The following ART3 variants were observed in gnomAD, a reference collection of about 807,000 sequenced individuals.
ART3 encodes ecto-ADP-ribosyltransferase 3.
In ART3, 49 loss-of-function variants were observed where a neutral mutation model predicts 48.5. The ratio of observed to expected loss-of-function variants is 1.01; its 90% CI spans 0.80 to 1.28. The LOEUF (loss-of-function observed/expected upper bound fraction) is 1.28, where lower values mean the gene tolerates loss of function less well. ART3 is among the 50% of genes most tolerant of loss of function. ART3 has a pLI of 0.00. For synonymous variants in ART3, 145 were observed against 157.2 expected (o/e 0.92, Z 0.58); for missense variants, 438 against 454.3 (o/e 0.96, Z 0.33).
intron 6 of ART3, 60 bp downstream of exon 6, chr4:76,100,380 C>T (rs968765267): frequency 1.2e-5 from 19 of 1,550,420 alleles, no homozygotes; most frequent in Non-Finnish European, 1.7e-5. Context: ...TGCCTGTAAT[C>T]CCAGCACTTT....
At chr4:76,068,231 T>C (rs1243938480) in intron 1 of ART3, among the ~76,000 whole-genome samples, 1 of 152,210 alleles carries the variant, frequency 6.6e-6, no homozygotes, top group Non-Finnish European at 1.5e-5. Flanking sequence ...TTTTGACAAA[T>C]GTATATCATC....
chr4:76,108,967 A>G (rs1728979384), intron 11 of ART3, among the ~76,000 whole-genome samples: 2 of 152,198 alleles, frequency 1.3e-5, no homozygotes, highest in South Asian at 4.1e-4. Context: ...TTGTAGGCCC[A>G]GAAGTTGCTC....
At chr4:76,013,763 A>T (rs1732015380) in intron 1 of ART3, among the ~76,000 whole-genome samples, 1 of 152,224 alleles carries the variant, frequency 6.6e-6, no homozygotes, top group East Asian at 1.9e-4. Flanking sequence ...GGCTATCAGT[A>T]TGTAGATGTA....
At chr4:76,019,164 C>A (rs1034741973) in intron 1 of ART3, among the ~76,000 whole-genome samples, 13 of 150,550 alleles carry the variant, frequency 8.6e-5, no homozygotes, top group South Asian at 4.2e-4. Flanking sequence ...TGAAAAATAT[C>A]AAAAAGATTA....
chr4:76,076,989 T>C (rs1721237145), intron 2 of ART3, among the ~76,000 whole-genome samples: 2 of 152,234 alleles, frequency 1.3e-5, no homozygotes, highest in South Asian at 4.1e-4. Flanking sequence ...AATCATTGTG[T>C]ATCCTGTTTC....
At chr4:76,022,435 C>A (rs1732936062) in intron 1 of ART3, 1 of 1,613,288 alleles carries the variant, frequency 6.2e-7, no homozygotes, top group African/African-American at 1.3e-5. Context: ...TCTCTTCTCA[C>A]CCTTCTTTTT....
chr4:76,097,630 T>C lies in ART3; in HGVS notation c.782-14T>C. 9.4e-6 allele frequency: 15 copies of C among 1,600,840 alleles called. No homozygotes were observed. The highest frequency in any genetic ancestry group is 1.3e-5 in the Non-Finnish European group (15 of 1,168,190). On this transcript the variant is annotated splice_polypyrimidine_tract_variant and intron_variant, in intron 3 of 11. Transcript: ENST00000355810. ...ATTATGTCTAACTAATAAAGCTTTA[T>C]CTTTGTGTTTCAGGACTAAAAACCG...
intron 3 of ART3, among the ~76,000 whole-genome samples, chr4:76,089,808 G>A (rs930415908): frequency 2.0e-5 from 3 of 152,154 alleles, no homozygotes; most frequent in African/African-American, 4.8e-5. Context: ...GAGGCTGGGC[G>A]CGGTGGCTCA....
chr4:76,069,514 C>G (rs1033747821), intron 1 of ART3, among the ~76,000 whole-genome samples: 2 of 151,170 alleles, frequency 1.3e-5, no homozygotes, highest in East Asian at 2.0e-4. Context: ...CTCAGACTCC[C>G]TAATGGCTGG....
chr4:76,073,387 C>T (rs938375977), upstream of ART3, among the ~76,000 whole-genome samples: 1 of 152,076 alleles, frequency 6.6e-6, no homozygotes, highest in African/African-American at 2.4e-5. Context: ...CAAACTCCTG[C>T]TTTTTAAAAA....
chr4:76,077,465 T>A (rs182248399), intron 2 of ART3, among the ~76,000 whole-genome samples: 1 of 152,230 alleles, frequency 6.6e-6, no homozygotes, highest in African/African-American at 2.4e-5. Flanking sequence ...AATAGTGGTG[T>A]TGTGAACATT....
chr4:76,100,676 C>G, intron 6 of ART3, 119 bp from the exon 7 acceptor site: 1 of 1,120,886 alleles, frequency 8.9e-7, no homozygotes, highest in Non-Finnish European at 1.3e-6. Context: ...TTGCAAGATA[C>G]CTCCCTTTAC....
intron 3 of ART3, among the ~76,000 whole-genome samples, chr4:76,083,025 G>A (rs4274876): frequency 0.62 from 94,033 of 151,932 alleles, 29,739 homozygotes; most frequent in East Asian, 0.98. Flanking sequence ...CACCATTTCT[G>A]CTAAAATAAA....
At chr4:76,044,622 ACTCT>A (rs752214818) in intron 1 of ART3, among the ~76,000 whole-genome samples, 3 of 149,150 alleles carry the variant, frequency 2.0e-5, no homozygotes, top group Non-Finnish European at 4.5e-5. Flanking sequence ...TCTCTTTTTA[ACTCT>A]CTCTTTGACT....
chr4:76,045,796 G>C (rs1440903089), intron 1 of ART3, among the ~76,000 whole-genome samples: 1 of 152,018 alleles, frequency 6.6e-6, no homozygotes, highest in Non-Finnish European at 1.5e-5. Context: ...CTATCTTGCT[G>C]TATCTGGAGA....
At chr4:76,095,259 G>A (rs1725738934) in intron 3 of ART3, among the ~76,000 whole-genome samples, 1 of 152,130 alleles carries the variant, frequency 6.6e-6, no homozygotes, top group South Asian at 2.1e-4. Flanking sequence ...TGTAATCTCA[G>A]CACTTTAGGA....
At chr4:76,022,274 G>T in intron 1 of ART3, 1 of 1,038,182 alleles carries the variant, frequency 9.6e-7, no homozygotes, top group South Asian at 1.3e-5. Flanking sequence ...TTAAACCAGC[G>T]ATTGCACAGC....
intron 3 of ART3, among the ~76,000 whole-genome samples, chr4:76,092,831 TTC>T (rs1208599026): frequency 1.3e-5 from 2 of 152,248 alleles, no homozygotes; most frequent in Non-Finnish European, 2.9e-5. Flanking sequence ...ATTAGTATTT[TTC>T]TCTGTTTCAT....
At chr4:76,051,898 C>T (rs6844308) in intron 1 of ART3, among the ~76,000 whole-genome samples, 43,353 of 81,318 alleles carry the variant, frequency 0.53, 12,972 homozygotes, top group East Asian at 0.94. Context: ...CTCTCTCTCT[C>T]TTTTTTTTTT....
Sources: gnomAD v4.1 joint callset for allele counts (sites outside exome capture counted in the v4.1 genomes callset) on GRCh38, gnomAD v4.1.1 for gene constraint, MANE v1.5 for transcripts, NCBI Gene and HGNC (gene_info 2026-07-23, HGNC 2026-07-21) for gene names.